Variants in RTF2 observed in about 807,000 individuals in gnomAD.
The protein encoded by RTF2 is replication termination factor 2.
RTF2 carries 18 observed loss-of-function variants against 38.0 expected under a neutral mutation model. The observed-to-expected ratio is 0.47, with a 90% confidence interval of 0.33 to 0.70. RTF2 has a LOEUF of 0.70. Among genes scored for constraint, RTF2 ranks in the 30% least tolerant of loss-of-function variants. RTF2 has a pLI of 0.02. For synonymous variants in RTF2, 126 were observed against 137.1 expected, an observed-to-expected ratio of 0.92 and a Z score of 0.57; for missense variants, 311 against 379.6, an observed-to-expected ratio of 0.82 and a Z score of 1.50.
chr20:56,509,876 C>T (rs1188149030), intron 5 of RTF2, among the ~76,000 whole-genome samples: 2 of 152,082 alleles, frequency 1.3e-5, no homozygotes, highest in African/African-American at 2.4e-5. Flanking sequence ...GTGGAAACAA[C>T]TCTGTCAGCT....
At chr20:56,484,387 A>T (rs1156468852) in intron 5 of RTF2, among the ~76,000 whole-genome samples, 198 bp downstream of exon 5, 1 of 152,230 alleles carries the variant, frequency 6.6e-6, no homozygotes, top group Non-Finnish European at 1.5e-5. Flanking sequence ...TCCAGGTCAG[A>T]CCACACGAGG....
intron 5 of RTF2, chr20:56,504,030 C>T (rs1984102045): frequency 6.6e-6 from 1 of 152,274 alleles, no homozygotes; most frequent in Non-Finnish European, 1.5e-5. Context: ...ATTGGTGGGT[C>T]CTGCATAGCT....
intron 5 of RTF2, among the ~76,000 whole-genome samples, chr20:56,499,110 C>G (rs1431540219): frequency 6.6e-6 from 1 of 152,074 alleles, no homozygotes; most frequent in Non-Finnish European, 1.5e-5. Flanking sequence ...GTGTGTTCCA[C>G]TGGTTCAGTA....
chr20:56,475,301 A>C (rs1982181589), intron 3 of RTF2, among the ~76,000 whole-genome samples: 1 of 152,236 alleles, frequency 6.6e-6, no homozygotes, highest in Non-Finnish European at 1.5e-5. Flanking sequence ...GAGAACCATC[A>C]GGCTAGTCAA....
At chr20:56,508,696 TAGGG>T (rs1984437320) in intron 5 of RTF2, among the ~76,000 whole-genome samples, 1 of 152,186 alleles carries the variant, frequency 6.6e-6, no homozygotes, top group Admixed American at 6.5e-5. Context: ...TGGAATAAAA[TAGGG>T]AGTCCGGAAA....
chr20:56,510,414 C>G (rs1215228030), intron 5 of RTF2, among the ~76,000 whole-genome samples: 1 of 152,066 alleles, frequency 6.6e-6, no homozygotes, highest in Non-Finnish European at 1.5e-5. Flanking sequence ...TTTGGGAGAT[C>G]AGAAGATGTA....
rs758627888 is a variant in RTF2 at position 56,513,378 on chromosome 20, G to A, written c.541G>A (p.Val181Met). 4.7e-5 allele frequency: 76 copies of A among 1,608,820 alleles called. 1 individual carries two copies. The Middle Eastern group carries it at 6.6e-4, about 14-fold the overall frequency. ...CAATGGCACCAAGGAGGATGTGGAC[G>A]TGCTGAAGACAAGGATGGAGGAGAG... Reference protein sequence around the residue: ...MLNGTKEDVDVLKTRMEERRL... With the variant: ...MLNGTKEDVDMLKTRMEERRL... Residue 181 changes from valine to methionine, a missense_variant, in exon 6 of 9, where the codon GTG becomes ATG. Transcript: ENST00000357348.
chr20:56,487,259 G>A (rs375658878), intron 5 of RTF2, among the ~76,000 whole-genome samples: 177 of 152,284 alleles, frequency 1.2e-3, no homozygotes, highest in African/African-American at 3.3e-3. Flanking sequence ...GAAATACAGC[G>A]TTACAAGGGA....
At chr20:56,491,373 G>T in intron 5 of RTF2, 1 of 586,338 alleles carries the variant, frequency 1.7e-6, no homozygotes, top group Non-Finnish European at 3.0e-6. Context: ...TTTGTCTTGT[G>T]ATTTCTTTCC....
chr20:56,507,493 G>A (rs1267526748), intron 5 of RTF2, among the ~76,000 whole-genome samples: 1 of 152,154 alleles, frequency 6.6e-6, no homozygotes, highest in Non-Finnish European at 1.5e-5. Flanking sequence ...AATTTCTAAT[G>A]TGAGGGGTTC....
At chr20:56,510,467 TA>T (rs1984576351) in intron 5 of RTF2, among the ~76,000 whole-genome samples, 1 of 152,020 alleles carries the variant, frequency 6.6e-6, no homozygotes, top group African/African-American at 2.4e-5. Context: ...AGCTACAGAG[TA>T]AATAAAAGTT....
At chr20:56,501,605 A>G (rs183362817) in intron 5 of RTF2, among the ~76,000 whole-genome samples, 125 of 152,204 alleles carry the variant, frequency 8.2e-4, no homozygotes, top group Non-Finnish European at 1.5e-3. Flanking sequence ...CCAGTGTCCT[A>G]TTTTCCTTGT....
At chr20:56,485,726 A>G (rs1304360455) in intron 5 of RTF2, among the ~76,000 whole-genome samples, 1 of 152,238 alleles carries the variant, frequency 6.6e-6, no homozygotes, top group East Asian at 1.9e-4. Flanking sequence ...ATTGGTTGAT[A>G]TTCAGCCAGA....
At chr20:56,504,202 C>T (rs531886440) in intron 5 of RTF2, 1 of 152,300 alleles carries the variant, frequency 6.6e-6, no homozygotes, top group Admixed American at 6.5e-5. Context: ...TGCCATCTGT[C>T]CCTGGAGAGT....
Position 56,496,620 on chromosome 20 carries a change from A to G in RTF2, c.477+12431A>G, listed in dbSNP as rs1983557197. The G allele has an allele frequency of 4.8e-6, 7 of 1,471,734 alleles. No homozygotes were observed. In the South Asian group the frequency reaches 8.6e-5, roughly 18 times the overall value. The allele number at this position is 1,471,734 out of a possible 1,614,324, so 91.2% of individuals were successfully genotyped here. A position where few individuals can be genotyped will look rare whatever the true frequency, so the allele number is the denominator to read the frequency against. ...TGCTGCTGACTGCACAGGCATCCATATCGGTGGGTCTTTCTTACCTTTTAG... is the reference window on the plus strand; with the variant it reads ...TGCTGCTGACTGCACAGGCATCCATGTCGGTGGGTCTTTCTTACCTTTTAG... On this transcript the variant is annotated intron_variant, in intron 5 of 8. Coordinates refer to ENST00000357348, the MANE Select transcript of RTF2 (RefSeq NM_016407.5).
rs562870802 is a variant in RTF2 at position 56,491,471 on chromosome 20, G to A, written c.477+7282G>A. On this transcript the variant is annotated intron_variant, in intron 5 of 8. Transcript: ENST00000357348. Reference sequence around the variant, plus strand: ...CATTTTAGGAATAGTTTGTATCAAGGAATCATTTTCCCACTTCTTTGGTTC... The same window carrying A: ...CATTTTAGGAATAGTTTGTATCAAGAAATCATTTTCCCACTTCTTTGGTTC... 650 of 831,374 alleles carry A rather than the reference G, an allele frequency of 7.8e-4. 9 individuals carry two copies. The South Asian group carries it at 9.9e-3, about 13-fold the overall frequency. The allele number at this position is 831,374 out of a possible 1,614,324, so 51.5% of individuals were successfully genotyped here.
At chr20:56,481,428 T>C (rs749492407) in intron 4 of RTF2, among the ~76,000 whole-genome samples, 1 of 152,210 alleles carries the variant, frequency 6.6e-6, no homozygotes, top group Non-Finnish European at 1.5e-5. Flanking sequence ...AAGTACAGTT[T>C]AGGGTCCAAG....
At chr20:56,498,155 G>A (rs749212664) in intron 5 of RTF2, among the ~76,000 whole-genome samples, 22 of 152,144 alleles carry the variant, frequency 1.4e-4, no homozygotes, top group Non-Finnish European at 2.2e-4. Flanking sequence ...CATAGACACC[G>A]TCCTGTTCTG....
At chr20:56,497,155 T>C (rs1201330229) in intron 5 of RTF2, 10 of 1,551,284 alleles carry the variant, frequency 6.4e-6, no homozygotes, top group Non-Finnish European at 8.7e-6. Context: ...TGCACAGCAG[T>C]CTTATACTTC....
Sources: allele counts gnomAD v4.1 joint callset (sites outside exome capture counted in the v4.1 genomes callset), GRCh38; gene constraint gnomAD v4.1.1; transcripts MANE v1.5; gene names NCBI Gene and HGNC (gene_info 2026-07-23, HGNC 2026-07-21).